MAP4: variants seen among roughly 807,000 people sequenced by gnomAD.
The protein encoded by MAP4 is microtubule-associated protein 4.
A neutral mutation model predicts 170.2 loss-of-function variants in MAP4; 76 were observed. The ratio of observed to expected loss-of-function variants is 0.45; its 90% CI spans 0.37 to 0.54. The LOEUF (loss-of-function observed/expected upper bound fraction) is 0.54, where lower values mean the gene tolerates loss of function less well. Among genes scored for constraint, MAP4 ranks in the 20% least tolerant of loss-of-function variants. The pLI, the probability that MAP4 is intolerant of heterozygous loss-of-function variation, is 0.00. For missense variants in MAP4, 2,506 were observed against 2,748.0 expected, an observed-to-expected ratio of 0.91 and a Z score of 1.97; for synonymous variants, 909 against 994.5, an observed-to-expected ratio of 0.91 and a Z score of 1.62.
chr3:48,026,893 T>C (rs1397343409), intron 1 of MAP4, among the ~76,000 whole-genome samples: 1 of 152,128 alleles, frequency 6.6e-6, no homozygotes, highest in Non-Finnish European at 1.5e-5. Flanking sequence ...TTTCTACCCA[T>C]CACCACGACT....
intron 2 of MAP4, among the ~76,000 whole-genome samples, chr3:47,980,407 T>C (rs2100084808): frequency 6.6e-6 from 1 of 152,314 alleles, no homozygotes; most frequent in East Asian, 1.9e-4. Flanking sequence ...CTACAATATA[T>C]GCTACTAAAA....
chr3:47,958,343 A>C (rs551630560), intron 3 of MAP4, among the ~76,000 whole-genome samples: 1 of 152,356 alleles, frequency 6.6e-6, no homozygotes, highest in Admixed American at 6.5e-5. Flanking sequence ...TGCTGAAGGC[A>C]AGGGAAACAT....
intron 10 of MAP4, among the ~76,000 whole-genome samples, chr3:47,899,519 T>C (rs1008339314): frequency 6.6e-6 from 1 of 152,234 alleles, no homozygotes; most frequent in African/African-American, 2.4e-5. Flanking sequence ...TATATTATCA[T>C]AATACTCTAT....
chr3:48,010,469 T>C (rs2100104667), intron 1 of MAP4, among the ~76,000 whole-genome samples: 1 of 152,320 alleles, frequency 6.6e-6, no homozygotes, highest in African/African-American at 2.4e-5. Flanking sequence ...CTTTATGTAA[T>C]AGTATTTGGG....
chr3:47,898,823 G>A (rs2100028459), intron 10 of MAP4, among the ~76,000 whole-genome samples: 1 of 152,100 alleles, frequency 6.6e-6, no homozygotes, highest in South Asian at 2.1e-4. Context: ...AGGTGTGGTG[G>A]TGCATGCCCA....
chr3:47,857,371 C>T, intron 18 of MAP4, 60 bp downstream of exon 18: 1 of 1,417,646 alleles, frequency 7.1e-7, no homozygotes, highest in Non-Finnish European at 1.0e-6. Flanking sequence ...GGCTGCCCAG[C>T]TGACCCATGG....
intron 1 of MAP4, among the ~76,000 whole-genome samples, chr3:48,050,126 G>A (rs1381936732): frequency 6.6e-6 from 1 of 151,524 alleles, no homozygotes; most frequent in East Asian, 1.9e-4. Context: ...TGGGCGTGGT[G>A]GCACACACCT....
chr3:47,995,250 C>CTTTTTTTTTTTTT (rs67017707), intron 2 of MAP4, among the ~76,000 whole-genome samples: 2 of 112,232 alleles, frequency 1.8e-5, no homozygotes, highest in Non-Finnish European at 1.9e-5. Context: ...TTTTTCTTTT[C>CTTTTTTTTTTTTT]TTTTTTTTTT....
chr3:48,032,109 A>G (rs2100116462), intron 1 of MAP4, among the ~76,000 whole-genome samples: 4 of 152,178 alleles, frequency 2.6e-5, no homozygotes. Flanking sequence ...AAAGTCATCA[A>G]AAACAAGGGA....
rs763367381 is a variant in MAP4 at position 47,998,749 on chromosome 3, C to G, written c.112G>C (p.Val38Leu). The G allele has an allele frequency of 1.2e-6, 2 of 1,614,022 alleles. No individual in the cohort carries two copies. Among genetic ancestry groups the G allele is most frequent in the South Asian group, 2.2e-5 (2 of 91,086 alleles). The change falls in exon 2 of 21, where the codon GTG (valine) becomes CTG (leucine). Residue 38 changes from valine to leucine, a missense_variant. Val to Leu is a conservative substitution (Grantham distance 32, BLOSUM62 1). This residue lies in a region of MAP4 where 2,008 missense variants were observed against 2,206.0 expected (regional missense o/e 0.91). Transcript: ENST00000683076. Reference sequence around the variant, plus strand: ...TCTGTTTTTCCAACAGTTTCTCCCACAACATCATCAAAGGCCTCTGCCTCT... The same window carrying G: ...TCTGTTTTTCCAACAGTTTCTCCCAGAACATCATCAAAGGCCTCTGCCTCT... ...TLEAEAFDDV[V>L]GETVGKTDYI... is the part of the protein sequence containing the mutation.
At chr3:48,034,065 T>C (rs1044763274) in intron 1 of MAP4, among the ~76,000 whole-genome samples, 6 of 152,290 alleles carry the variant, frequency 3.9e-5, no homozygotes, top group African/African-American at 9.6e-5. Flanking sequence ...CCAACCAGAG[T>C]GCATACATAT....
Position 47,875,880 on chromosome 3 carries a change from A to C in MAP4, c.5562T>G (p.Pro1854=). ...KKTKPLATTQ[P]AKTSTSKAKT... is the part of the protein sequence containing the mutation. ...TGGCTTTCGATGTTGAAGTCTTTGCAGGTTGAGTGGTGGCCAAAGGCTTTA... is the reference window on the plus strand; with the variant it reads ...TGGCTTTCGATGTTGAAGTCTTTGCCGGTTGAGTGGTGGCCAAAGGCTTTA... The change falls in exon 12 of 21, where the codon CCT becomes CCG. Residue 1854 remains proline, a synonymous_variant. Coordinates refer to ENST00000683076, the MANE Select transcript of MAP4 (RefSeq NM_001385682.1). The C allele has an allele frequency of 3.7e-6, 6 of 1,611,932 alleles. No homozygotes were observed. Among genetic ancestry groups the C allele is most frequent in the Non-Finnish European group, 5.1e-6 (6 of 1,179,560 alleles).
At chr3:47,858,700 G>A (rs2060826825) in intron 17 of MAP4, among the ~76,000 whole-genome samples, 1 of 152,016 alleles carries the variant, frequency 6.6e-6, no homozygotes, top group South Asian at 2.1e-4. Flanking sequence ...GCCAGGTGCA[G>A]TGGGTCATGC....
At chr3:47,915,845 G>A in intron 7 of MAP4, 106 bp downstream of exon 7, 1 of 1,321,284 alleles carries the variant, frequency 7.6e-7, no homozygotes, top group Admixed American at 2.3e-5. Context: ...AACTTGCAAA[G>A]TACAGTGTGA....
chr3:48,079,060 A>C (rs913253924), intron 1 of MAP4, among the ~76,000 whole-genome samples: 3 of 152,070 alleles, frequency 2.0e-5, no homozygotes, highest in Admixed American at 6.6e-5. Flanking sequence ...AATTCCAGCT[A>C]CTCAAGAGGC....
At chr3:48,052,353 T>C (rs1376080184) in intron 1 of MAP4, among the ~76,000 whole-genome samples, 2 of 152,160 alleles carry the variant, frequency 1.3e-5, no homozygotes, top group Non-Finnish European at 1.5e-5. Context: ...CCCGAGTAGC[T>C]GGGATTATAG....
chr3:47,962,107 C>T (rs1308726576), intron 3 of MAP4, among the ~76,000 whole-genome samples: 1 of 152,146 alleles, frequency 6.6e-6, no homozygotes, highest in Non-Finnish European at 1.5e-5. Flanking sequence ...ACTTCCAGCC[C>T]CTTTTCCAGA....
At chr3:47,999,967 C>A (rs1488414271) in intron 1 of MAP4, among the ~76,000 whole-genome samples, 1 of 151,864 alleles carries the variant, frequency 6.6e-6, no homozygotes, top group African/African-American at 2.4e-5. Context: ...GTAATCCCAG[C>A]ACTTTGGGAG....
At chr3:48,087,707 A>G (rs893741162) in intron 1 of MAP4, among the ~76,000 whole-genome samples, 14 of 149,676 alleles carry the variant, frequency 9.4e-5, no homozygotes, top group South Asian at 8.5e-4. Flanking sequence ...GCGCGCGCGC[A>G]CACACACATA....
Sources: allele counts gnomAD v4.1 joint callset (sites outside exome capture counted in the v4.1 genomes callset), GRCh38; gene constraint gnomAD v4.1.1; regional missense constraint gnomAD v4.1.1; transcripts MANE v1.5; gene names NCBI Gene and HGNC (gene_info 2026-07-23, HGNC 2026-07-21).